The following GNAL variants were observed in gnomAD, a reference collection of about 807,000 sequenced individuals.
GNAL encodes G protein subunit alpha L.
In GNAL, 18 loss-of-function variants were observed where a neutral mutation model predicts 55.1. The ratio of observed to expected loss-of-function variants is 0.33; its 90% confidence interval spans 0.23 to 0.48. The LOEUF (loss-of-function observed/expected upper bound fraction) is 0.48. GNAL is among the 20% of genes least tolerant of loss of function. The pLI, the probability that GNAL is intolerant of heterozygous loss-of-function variation, is 0.99. For missense variants in GNAL, 412 were observed against 614.1 expected, an observed-to-expected ratio of 0.67 and a Z score of 3.48; for synonymous variants, 253 against 237.0, an observed-to-expected ratio of 1.07 and a Z score of -0.62.
chr18:11,814,545 G>GA (rs2034903309), intron 4 of GNAL, among the ~76,000 whole-genome samples: 3 of 151,168 alleles, frequency 2.0e-5, no homozygotes, highest in Admixed American at 1.3e-4. Context: ...AAAAGAAAAA[G>GA]AAAAAAAATG....
rs760136358 is a variant in GNAL at position 11,796,575 on chromosome 18, C to CAAAAAAAAAAAA, written c.625-28334_625-28323dup. ...GGTGACAGAGCGAGACTCCTTCTCACAAAAAAAAAAAAAAAAAAAACAAAA... is the reference window on the plus strand; with the variant it reads ...GGTGACAGAGCGAGACTCCTTCTCACAAAAAAAAAAAAAAAAAAAAAAAAAAAAAAAACAAAA... On this transcript the variant is annotated intron_variant, in intron 4 of 11. Transcript: ENST00000334049. Among the ~76,000 whole-genome samples the CAAAAAAAAAAAA allele has an allele frequency of 1.5e-3, 90 of 58,916 alleles. 4 individuals carry two copies. Among genetic ancestry groups the CAAAAAAAAAAAA allele is most frequent in the African/African-American group, 2.8e-3 (39 of 13,746 alleles). 38.7% of individuals were successfully genotyped at this position (58,916 alleles called of 152,430 possible). A position where few individuals can be genotyped will look rare whatever the true frequency, so the allele number is the denominator to read the frequency against.
intron 5 of GNAL, among the ~76,000 whole-genome samples, chr18:11,831,249 C>T (rs913925355): frequency 6.6e-6 from 1 of 152,054 alleles, no homozygotes; most frequent in Non-Finnish European, 1.5e-5. Context: ...GCCATGGGCA[C>T]GGTCTAGGGG....
chr18:11,812,263 G>C (rs913709947), intron 4 of GNAL, among the ~76,000 whole-genome samples: 3 of 152,166 alleles, frequency 2.0e-5, no homozygotes, highest in African/African-American at 7.2e-5. Context: ...ATAAAAGATA[G>C]CATCCCTAGA....
chr18:11,810,006 C>A (rs960345388), intron 4 of GNAL, among the ~76,000 whole-genome samples: 13 of 152,224 alleles, frequency 8.5e-5, no homozygotes, highest in Middle Eastern at 3.2e-3. Context: ...CCCCTCATAC[C>A]TTTAAGCTAG....
At chr18:11,807,191 C>T (rs1233060443) in intron 4 of GNAL, among the ~76,000 whole-genome samples, 3 of 152,060 alleles carry the variant, frequency 2.0e-5, no homozygotes, top group Non-Finnish European at 4.4e-5. Context: ...AAAGAACAAC[C>T]TCCAGCTCTA....
intron 4 of GNAL, among the ~76,000 whole-genome samples, chr18:11,760,208 T>C (rs2033197158): frequency 6.6e-6 from 1 of 152,160 alleles, no homozygotes; most frequent in Non-Finnish European, 1.5e-5. Context: ...CTGAATCCAC[T>C]TCAGTAAGGA....
At position 11,746,780 on chromosome 18, in the gene GNAL, G is replaced by T. The variant is rs149209260; in HGVS notation, c.377-6073G>T. 4.2e-3 allele frequency: 1,713 copies of T among 410,844 alleles called. 21 individuals are homozygous for T. Among genetic ancestry groups the T allele is most frequent in the African/African-American group, 0.032 (1,563 of 48,906 alleles). 25.4% of individuals were successfully genotyped at this position (410,844 alleles called of 1,614,324 possible). ...TGCAAAATACACTCCCCAGACATTT[G>T]TGACTGGCATGGAGGGCAGCCCTGA... On this transcript the variant is annotated intron_variant, in intron 1 of 11. Transcript: ENST00000334049.
intron 1 of GNAL, among the ~76,000 whole-genome samples, chr18:11,738,958 C>T (rs1364983664): frequency 2.6e-5 from 4 of 152,116 alleles, no homozygotes; most frequent in Non-Finnish European, 4.4e-5. Context: ...CTTTGCCGCC[C>T]GACGTCATAA....
At chr18:11,870,826 GAA>G (rs1322996583) in intron 9 of GNAL, among the ~76,000 whole-genome samples, 1 of 152,170 alleles carries the variant, frequency 6.6e-6, no homozygotes, top group Non-Finnish European at 1.5e-5. Context: ...TGGATTATCA[GAA>G]AAGTGTTTTT....
chr18:11,697,402 A>G (rs1160593391), intron 1 of GNAL, among the ~76,000 whole-genome samples: 1 of 152,152 alleles, frequency 6.6e-6, no homozygotes, highest in Non-Finnish European at 1.5e-5. Flanking sequence ...GCTGGTTACC[A>G]GCTAACTTTT....
At chr18:11,791,869 C>G (rs570152055) in intron 4 of GNAL, among the ~76,000 whole-genome samples, 1 of 152,194 alleles carries the variant, frequency 6.6e-6, no homozygotes, top group South Asian at 2.1e-4. Context: ...TGCACCACAT[C>G]CATAGTGCAG....
At chr18:11,713,975 A>G (rs2031896175) in intron 1 of GNAL, among the ~76,000 whole-genome samples, 1 of 152,142 alleles carries the variant, frequency 6.6e-6, no homozygotes, top group Non-Finnish European at 1.5e-5. Context: ...TCCTTGACAC[A>G]TTTGCATTTT....
chr18:11,699,010 T>G (rs2031491743), intron 1 of GNAL, among the ~76,000 whole-genome samples: 1 of 152,112 alleles, frequency 6.6e-6, no homozygotes, highest in Non-Finnish European at 1.5e-5. Context: ...GATTAACATT[T>G]TCAAAGGTAA....
chr18:11,856,556 C>T (rs144704428), intron 5 of GNAL, among the ~76,000 whole-genome samples: 5 of 151,524 alleles, frequency 3.3e-5, no homozygotes, highest in African/African-American at 4.9e-5. Context: ...AAATGTTTGC[C>T]TCTGTTCTTC....
At chr18:11,756,431 T>C (rs2033057990) in intron 4 of GNAL, among the ~76,000 whole-genome samples, 1 of 152,160 alleles carries the variant, frequency 6.6e-6, no homozygotes, top group Non-Finnish European at 1.5e-5. Flanking sequence ...GTAATACTTT[T>C]GTGGGGGTTA....
At chr18:11,840,563 T>A (rs2035591434) in intron 5 of GNAL, among the ~76,000 whole-genome samples, 1 of 152,226 alleles carries the variant, frequency 6.6e-6, no homozygotes, top group Non-Finnish European at 1.5e-5. Flanking sequence ...TGAGCAAATC[T>A]GTGTGTTTGG....
rs1184229668 is a variant in GNAL at position 11,735,347 on chromosome 18, G to C, written c.377-17506G>C. Among the ~76,000 whole-genome samples, 5 of 152,046 alleles carry C rather than the reference G, an allele frequency of 3.3e-5. No individual in the cohort carries two copies. The South Asian group carries it at 1.0e-3, about 32-fold the overall frequency. ...ATTACTGGTGTGAGCCACTGTGCCC[G>C]ACCTGATAAGGTATTGATAAGTGGT... On this transcript the variant is annotated intron_variant, in intron 1 of 11. Transcript: ENST00000334049.
At chr18:11,696,704 T>G (rs2031424994) in intron 1 of GNAL, among the ~76,000 whole-genome samples, 2 of 152,180 alleles carry the variant, frequency 1.3e-5, no homozygotes, top group Admixed American at 1.3e-4. Context: ...GTTCTTTCAC[T>G]TGGCAAAAGA....
chr18:11,781,251 T>C (rs1176373934), intron 4 of GNAL, among the ~76,000 whole-genome samples: 2 of 152,196 alleles, frequency 1.3e-5, no homozygotes, highest in Non-Finnish European at 2.9e-5. Context: ...AAATAAAAAT[T>C]GGACTTAGAA....
Sources: gnomAD v4.1 joint callset for allele counts (sites outside exome capture counted in the v4.1 genomes callset) on GRCh38, gnomAD v4.1.1 for gene constraint, MANE v1.5 for transcripts, NCBI Gene and HGNC (gene_info 2026-07-23, HGNC 2026-07-21) for gene names.